SERPINI1: variants seen among roughly 807,000 people sequenced by gnomAD.
SERPINI1 encodes serpin family I member 1.
In SERPINI1, 19 loss-of-function variants were observed where a neutral mutation model predicts 41.1. The ratio of observed to expected loss-of-function variants is 0.46; its 90% CI spans 0.32 to 0.68. The LOEUF (loss-of-function observed/expected upper bound fraction) is 0.68. SERPINI1 is among the 30% of genes least tolerant of loss of function. The pLI is 0.03. For synonymous variants in SERPINI1, 138 were observed against 156.6 expected (o/e 0.88, Z 0.89); for missense variants, 460 against 479.2 (o/e 0.96, Z 0.37).
At chr3:167,820,695 G>C (rs1335760618) in intron 6 of SERPINI1, among the ~76,000 whole-genome samples, 1 of 152,196 alleles carries the variant, frequency 6.6e-6, no homozygotes, top group Non-Finnish European at 1.5e-5. Flanking sequence ...AGCACGGACA[G>C]CCTGGATGCC....
chr3:167,765,411 A>G (rs940135861), intron 1 of SERPINI1, among the ~76,000 whole-genome samples: 1 of 152,214 alleles, frequency 6.6e-6, no homozygotes, highest in Non-Finnish European at 1.5e-5. Flanking sequence ...CCCAAGCTCT[A>G]CATTGTCCCC....
Position 167,790,450 on chromosome 3 carries a change from A to G in SERPINI1, c.329A>G (p.Asn110Ser), listed in dbSNP as rs1275175475. ...KESQYVMKIA[N>S]SLFVQNGFHV... ...AGCCAATATGTGATGAAAATTGCCA[A>G]TTCCTTGTTTGTGCAAAATGGATTT... The change falls in exon 3 of 9, where the codon AAT (asparagine) becomes AGT (serine). Residue 110 changes from asparagine (N) to serine (S), a missense_variant. Coordinates refer to ENST00000446050, the MANE Select transcript of SERPINI1 (RefSeq NM_001122752.2). The G allele has an allele frequency of 4.3e-6, 7 of 1,613,964 alleles. No homozygotes were observed. In the Admixed American group the frequency reaches 8.3e-5, roughly 19 times the overall value.
chr3:167,746,420 C>A (rs375411734), intron 1 of SERPINI1, among the ~76,000 whole-genome samples: 1 of 152,096 alleles, frequency 6.6e-6, no homozygotes, highest in Non-Finnish European at 1.5e-5. Context: ...ACAAATTGGA[C>A]TTCATCAAAC....
At chr3:167,807,751 G>A (rs1711699461) in intron 6 of SERPINI1, among the ~76,000 whole-genome samples, 1 of 152,080 alleles carries the variant, frequency 6.6e-6, no homozygotes, top group Non-Finnish European at 1.5e-5. Flanking sequence ...CTAGACCAAA[G>A]ATCCTTTTTA....
chr3:167,739,491 A>C (rs1725599760), intron 1 of SERPINI1, among the ~76,000 whole-genome samples: 1 of 152,230 alleles, frequency 6.6e-6, no homozygotes, highest in Non-Finnish European at 1.5e-5. Flanking sequence ...CTGCAAATAC[A>C]TTACAGATTT....
rs1157254527 is a variant in SERPINI1 at position 167,759,445 on chromosome 3, A to G, written c.-19+23622A>G. ...ATGCGCCATGCAGTACTATGCAGCCATAAAAAAGAATGAAATCATATACTT... is the reference window on the plus strand; with the variant it reads ...ATGCGCCATGCAGTACTATGCAGCCGTAAAAAAGAATGAAATCATATACTT... On this transcript the variant is annotated intron_variant, in intron 1 of 8. Coordinates refer to ENST00000446050, the MANE Select transcript of SERPINI1 (RefSeq NM_001122752.2). Among the ~76,000 whole-genome samples the G allele has an allele frequency of 2.0e-4, 26 of 130,736 alleles. No individual in the cohort carries two copies. In the Admixed American group the frequency reaches 2.0e-3, roughly 10 times the overall value. The allele number at this position is 130,736 out of a possible 152,430, so 85.8% of individuals were successfully genotyped here.
intron 6 of SERPINI1, among the ~76,000 whole-genome samples, chr3:167,818,636 C>A (rs1231373134): frequency 6.6e-6 from 1 of 151,860 alleles, no homozygotes; most frequent in Non-Finnish European, 1.5e-5. Context: ...CTGAGAATAA[C>A]CCTTAGCATC....
intron 1 of SERPINI1, among the ~76,000 whole-genome samples, chr3:167,769,382 C>G (rs1726669320): frequency 6.6e-6 from 1 of 152,108 alleles, no homozygotes; most frequent in Admixed American, 6.6e-5. Flanking sequence ...ATTAAACATT[C>G]TAGGGTAGGG....
chr3:167,774,385 A>G (rs569824025), intron 1 of SERPINI1, among the ~76,000 whole-genome samples: 2 of 152,152 alleles, frequency 1.3e-5, no homozygotes, highest in Non-Finnish European at 2.9e-5. Flanking sequence ...AATTATGGTT[A>G]TTGGCCAAGA....
Position 167,823,130 on chromosome 3 carries a change from G to C in SERPINI1, c.1066+58G>C, listed in dbSNP as rs1712397268. The C allele has an allele frequency of 4.6e-6, 5 of 1,092,670 alleles. No homozygotes were observed. In the South Asian group the frequency reaches 6.2e-5, roughly 14 times the overall value. 67.7% of individuals were successfully genotyped at this position (1,092,670 alleles called of 1,614,324 possible). On this transcript the variant is annotated intron_variant, in intron 7 of 8. Transcript: ENST00000446050. The stretch of plus-strand genomic sequence containing the variant: ...AGATTTGTATTTTTAGAGCAATCTT[G>C]AGTGGGGAGTGGGGTCATTTTCAAA...
At chr3:167,786,183 T>C (rs1297704212) in intron 1 of SERPINI1, among the ~76,000 whole-genome samples, 1 of 152,050 alleles carries the variant, frequency 6.6e-6, no homozygotes, top group East Asian at 1.9e-4. Flanking sequence ...TTCCAGTCCT[T>C]GGATAAGTGG....
intron 1 of SERPINI1, 74 bp from the exon 2 acceptor site, chr3:167,789,037 T>A (rs1727405672): frequency 6.9e-7 from 1 of 1,445,936 alleles, no homozygotes; most frequent in Admixed American, 1.7e-5. Context: ...AAGTAGAACC[T>A]CCCAACATAT....
intron 1 of SERPINI1, among the ~76,000 whole-genome samples, chr3:167,788,265 A>G (rs747446048): frequency 2.6e-5 from 4 of 152,168 alleles, no homozygotes; most frequent in Non-Finnish European, 5.9e-5. Context: ...CTGGGCACTG[A>G]CGGTGCTTTT....
intron 1 of SERPINI1, among the ~76,000 whole-genome samples, chr3:167,758,244 T>C (rs1726253241): frequency 6.6e-6 from 1 of 152,172 alleles, no homozygotes; most frequent in Non-Finnish European, 1.5e-5. Flanking sequence ...AGGTATTTCT[T>C]TGGATGGATT....
intron 5 of SERPINI1, among the ~76,000 whole-genome samples, chr3:167,805,452 A>G (rs1354100800): frequency 6.6e-6 from 1 of 152,148 alleles, no homozygotes; most frequent in Non-Finnish European, 1.5e-5. Flanking sequence ...ACCTTGTCAG[A>G]TGGATAGATT....
intron 1 of SERPINI1, among the ~76,000 whole-genome samples, chr3:167,748,915 T>C (rs939463221): frequency 6.6e-6 from 1 of 152,058 alleles, no homozygotes; most frequent in African/African-American, 2.4e-5. Flanking sequence ...TTGTTACCAC[T>C]AGTTTGGGAT....
At chr3:167,745,722 T>C (rs1725843809) in intron 1 of SERPINI1, among the ~76,000 whole-genome samples, 1 of 152,080 alleles carries the variant, frequency 6.6e-6, no homozygotes, top group African/African-American at 2.4e-5. Flanking sequence ...GGTTGCAGGA[T>C]AGAAGATCGA....
At chr3:167,740,519 T>G (rs1402933301) in intron 1 of SERPINI1, among the ~76,000 whole-genome samples, 1 of 152,238 alleles carries the variant, frequency 6.6e-6, no homozygotes, top group East Asian at 1.9e-4. Context: ...TATTTGGTAA[T>G]CTATAATGAA....
At chr3:167,750,013 G>A (rs1467319952) in intron 1 of SERPINI1, among the ~76,000 whole-genome samples, 1 of 152,182 alleles carries the variant, frequency 6.6e-6, no homozygotes, top group Non-Finnish European at 1.5e-5. Context: ...GCATAAGAAA[G>A]AGGATTAATT....
Sources: gnomAD v4.1 joint callset for allele counts (sites outside exome capture counted in the v4.1 genomes callset) on GRCh38, gnomAD v4.1.1 for gene constraint, MANE v1.5 for transcripts, NCBI Gene and HGNC (gene_info 2026-07-23, HGNC 2026-07-21) for gene names.